Variants in ZNF280D observed in about 807,000 individuals in gnomAD.
ZNF280D encodes zinc finger protein 280D.
A neutral mutation model predicts 94.7 loss-of-function variants in ZNF280D; 39 were observed. That is an observed-to-expected ratio of 0.41 (90% CI 0.32 to 0.54). ZNF280D has a LOEUF of 0.54. Among genes scored for constraint, ZNF280D ranks in the 20% least tolerant of loss-of-function variants. The pLI is 0.22. For missense variants in ZNF280D, 1,090 were observed against 1,149.3 expected (o/e 0.95, Z 0.75); for synonymous variants, 398 against 377.6 (o/e 1.05, Z -0.63).
intron 6 of ZNF280D, among the ~76,000 whole-genome samples, chr15:56,695,861 G>A (rs150770802): frequency 0.024 from 3,723 of 152,138 alleles, 65 homozygotes; most frequent in Non-Finnish European, 0.038. Context: ...GTTCCAAGTA[G>A]AATGTTCAGT....
At chr15:56,700,263 C>G in intron 6 of ZNF280D, 1 of 729,134 alleles carries the variant, frequency 1.4e-6, no homozygotes, top group Non-Finnish European at 1.7e-6. Flanking sequence ...CCAGATCCAT[C>G]AACTGCCAGC....
chr15:56,682,283 A>G lies in ZNF280D; in HGVS notation c.975T>C (p.Ser325=), dbSNP rs370227472. Residue 325 remains serine, a synonymous_variant, in exon 10 of 22, where the codon AGT becomes AGC. Coordinates refer to ENST00000267807, the MANE Select transcript of ZNF280D (RefSeq NM_017661.4). ...TGTTATTTTTTAGAATTTTCAAGCA[A>G]CTGAAGCATTTAAAGGTTGTGTGAG... ...QKTHTTFKCF[S]CLKILKNNIR... is the part of the protein sequence containing the mutation. 9 of 1,572,762 alleles carry G rather than the reference A, an allele frequency of 5.7e-6. No individual in the cohort carries two copies. The highest frequency in any genetic ancestry group is 2.3e-5 in the East Asian group (1 of 42,992).
intron 16 of ZNF280D, among the ~76,000 whole-genome samples, chr15:56,662,486 C>G (rs1354209003): frequency 6.6e-6 from 1 of 151,892 alleles, no homozygotes; most frequent in Non-Finnish European, 1.5e-5. Flanking sequence ...ATACAAAGAC[C>G]CCCTTCTTCT....
intron 2 of ZNF280D, 30 bp downstream of exon 2, chr15:56,707,233 A>G (rs745601703): frequency 2.5e-6 from 4 of 1,579,266 alleles, no homozygotes; most frequent in Non-Finnish European, 3.4e-6. Context: ...TTCACAAATT[A>G]TTGGATGTAA....
At chr15:56,706,724 C>T (rs554061424) in intron 3 of ZNF280D, among the ~76,000 whole-genome samples, 2 of 151,930 alleles carry the variant, frequency 1.3e-5, no homozygotes, top group South Asian at 4.2e-4. Flanking sequence ...TTCTTTTTAA[C>T]AGGGCACTGT....
chr15:56,643,127 T>C (rs970449432), intron 19 of ZNF280D, 130 bp from the exon 20 acceptor site: 1 of 528,582 alleles, frequency 1.9e-6, no homozygotes, highest in Non-Finnish European at 3.1e-6. Context: ...TATACTTTAA[T>C]AGTAAATTGA....
At chr15:56,694,161 T>G (rs1474758031) in intron 6 of ZNF280D, among the ~76,000 whole-genome samples, 5 of 151,990 alleles carry the variant, frequency 3.3e-5, no homozygotes, top group Non-Finnish European at 7.4e-5. Flanking sequence ...TGAATGATAA[T>G]GGGCTCAAGT....
intron 16 of ZNF280D, among the ~76,000 whole-genome samples, chr15:56,658,933 A>C (rs1212296091): frequency 6.6e-6 from 1 of 151,402 alleles, no homozygotes; most frequent in African/African-American, 2.4e-5. Flanking sequence ...GATCCAAATG[A>C]TCTGGGAAGT....
At chr15:56,680,898 C>T (rs1284177619) in intron 10 of ZNF280D, among the ~76,000 whole-genome samples, 3 of 152,164 alleles carry the variant, frequency 2.0e-5, no homozygotes, top group Non-Finnish European at 4.4e-5. Flanking sequence ...CACTGCTCTG[C>T]ATTTTACCAT....
At position 56,670,067 on chromosome 15, in the gene ZNF280D, C is replaced by CATATATATATATAT. The variant is rs201081844; in HGVS notation, c.1411-1124_1411-1111dup. Among the ~76,000 whole-genome samples the CATATATATATATAT allele has an allele frequency of 2.3e-4, 10 of 42,846 alleles. No homozygotes were observed. The South Asian group carries it at 9.9e-3, about 43-fold the overall frequency. The allele number at this position is 42,846 out of a possible 152,430, so 28.1% of individuals were successfully genotyped here. A position where few individuals can be genotyped will look rare whatever the true frequency, so the allele number is the denominator to read the frequency against. On this transcript the variant is annotated intron_variant, in intron 13 of 21. Transcript: ENST00000267807. ...TCTTTTGTAGTTATATGTTGTTTTA[C>CATATATATATATAT]ATATATATATATATATACACATGCA...
At chr15:56,724,228 T>A (rs1567044726) in intron 1 of ZNF280D, among the ~76,000 whole-genome samples, 1 of 152,240 alleles carries the variant, frequency 6.6e-6, no homozygotes, top group African/African-American at 2.4e-5. Flanking sequence ...TCTCTCAGCA[T>A]CCAGATTTTT....
intron 12 of ZNF280D, 109 bp downstream of exon 12, chr15:56,677,465 T>A: frequency 4.3e-6 from 3 of 698,176 alleles, no homozygotes; most frequent in South Asian, 3.0e-5. Context: ...GCATAAGTTA[T>A]GCCAAGTTAT....
intron 1 of ZNF280D, among the ~76,000 whole-genome samples, chr15:56,729,022 C>T (rs557358431): frequency 6.6e-6 from 1 of 152,186 alleles, no homozygotes; most frequent in South Asian, 2.1e-4. Flanking sequence ...TGTAACCTAT[C>T]GTAATTCAAG....
chr15:56,654,774 G>A, intron 17 of ZNF280D: 1 of 511,148 alleles, frequency 2.0e-6, no homozygotes, highest in Non-Finnish European at 3.8e-6. Context: ...AAGACCTAGA[G>A]TCAGTCTTGG....
intron 6 of ZNF280D, chr15:56,700,709 T>C (rs2057010617): frequency 2.8e-6 from 4 of 1,446,056 alleles, no homozygotes; most frequent in South Asian, 3.0e-5. Context: ...TGTACCTATT[T>C]AGGCATACTG....
At chr15:56,691,873 G>T (rs1456631989) in intron 7 of ZNF280D, among the ~76,000 whole-genome samples, 1 of 152,078 alleles carries the variant, frequency 6.6e-6, no homozygotes. Context: ...CAGATGTGAA[G>T]AATGAATGCA....
At position 56,631,537 on chromosome 15, in the gene ZNF280D, C is replaced by A; in HGVS notation, c.2901G>T (p.Glu967Asp). Residue 967 changes from glutamate to aspartate, a missense_variant, in exon 22 of 22, where the codon GAG becomes GAT. This residue lies in a region of ZNF280D where 577 missense variants were observed against 568.8 expected (regional missense o/e 1.01). Coordinates refer to ENST00000267807, the MANE Select transcript of ZNF280D (RefSeq NM_017661.4). ...TTTCGTCTTCCAGGTCTACTGTTGC[C>A]TCTGTTGTGCTAGGGTTATTTCCTC... is the stretch of plus-strand genomic sequence containing the variant. ...IPGGNNPSTT[E>D]ATVDLEDEKE... 6.2e-7 allele frequency: 1 copy of A among 1,613,800 alleles called. No homozygotes were observed. The highest frequency in any genetic ancestry group is 1.1e-5 in the South Asian group (1 of 91,072).
Position 56,631,512 on chromosome 15 carries a change from T to C in ZNF280D, c.2926A>G (p.Lys976Glu). Residue 976 changes from lysine to glutamate, a missense_variant, in exon 22 of 22, where the codon AAA becomes GAA. Lys to Glu is a moderately conservative substitution (Grantham distance 56). Around this residue, in one of 3 missense-constraint regions of ZNF280D, gnomAD observed 577 missense variants for 568.8 expected, o/e 1.01. Transcript: ENST00000267807. ...AATGACTAATTTCAACTTCTTTCTT[T>C]TTCGTCTTCCAGGTCTACTGTTGCC... ...TEATVDLEDE[K>E]ERS 1 of 1,610,718 alleles carries C rather than the reference T, an allele frequency of 6.2e-7. No individual in the cohort carries two copies. Among genetic ancestry groups the C allele is most frequent in the South Asian group, 1.1e-5 (1 of 90,964 alleles).
rs768976746 is a variant in ZNF280D at position 56,666,716 on chromosome 15, T to C, written c.1816A>G (p.Lys606Glu). The part of the protein sequence containing the change: ...KKQSTLASSN[K>E]KSKVNTALRN... ...AATGCTGTATTGACTTTACTTTTTT[T>C]ATTGCTACTAGCCAATGTGCTTTGT... Residue 606 changes from lysine to glutamate, a missense_variant, in exon 15 of 22, where the codon AAA becomes GAA. Around this residue, in one of 3 missense-constraint regions of ZNF280D, gnomAD observed 577 missense variants for 568.8 expected, o/e 1.01. Coordinates refer to ENST00000267807, the MANE Select transcript of ZNF280D (RefSeq NM_017661.4). The C allele has an allele frequency of 2.0e-5, 33 of 1,610,354 alleles. No homozygotes were observed. The highest frequency in any genetic ancestry group is 2.7e-5 in the Non-Finnish European group (32 of 1,179,134).
Sources: allele counts gnomAD v4.1 joint callset (sites outside exome capture counted in the v4.1 genomes callset), GRCh38; gene constraint gnomAD v4.1.1; regional missense constraint gnomAD v4.1.1; transcripts MANE v1.5; gene names NCBI Gene and HGNC (gene_info 2026-07-23, HGNC 2026-07-21).